TRPM3: variants seen among roughly 807,000 people sequenced by gnomAD.
TRPM3 encodes transient receptor potential cation channel subfamily M member 3.
Under a neutral mutation model 181.2 loss-of-function variants are expected in TRPM3, and 77 were observed. That is an observed-to-expected ratio of 0.42 (90% CI 0.35 to 0.51). The LOEUF (loss-of-function observed/expected upper bound fraction) is 0.51. Among genes scored for constraint, TRPM3 ranks in the 20% least tolerant of loss-of-function variants. The probability of loss-of-function intolerance (pLI) is 0.01; values close to 1 mark genes in which losing one functional copy is unlikely to be tolerated. For missense variants in TRPM3, 1,759 were observed against 2,196.7 expected, an observed-to-expected ratio of 0.80 and a Z score of 3.98; for synonymous variants, 745 against 796.4, an observed-to-expected ratio of 0.94 and a Z score of 1.09.
chr9:70,866,649 T>A (rs973683099), intron 1 of TRPM3, among the ~76,000 whole-genome samples: 1 of 152,004 alleles, frequency 6.6e-6, no homozygotes, highest in Non-Finnish European at 1.5e-5. Flanking sequence ...TCCCTTTGTG[T>A]TGGGGATGAT....
intron 1 of TRPM3, among the ~76,000 whole-genome samples, chr9:70,901,751 TG>T (rs1373857284): frequency 2.6e-5 from 4 of 152,226 alleles, no homozygotes; most frequent in Non-Finnish European, 4.4e-5. Flanking sequence ...TGCTACTCAA[TG>T]GCACAAAAGA....
At chr9:71,180,393 T>C (rs555171994) in intron 1 of TRPM3, among the ~76,000 whole-genome samples, 1 of 152,202 alleles carries the variant, frequency 6.6e-6, no homozygotes, top group South Asian at 2.1e-4. Context: ...TCATCCCCAA[T>C]GTATTTCAAA....
chr9:70,619,020 C>A lies in TRPM3; in HGVS notation c.2205G>T (p.Leu735=), dbSNP rs1239844254. 2.5e-6 allele frequency: 4 copies of A among 1,614,108 alleles called. No individual in the cohort carries two copies. The highest frequency in any genetic ancestry group is 3.4e-6 in the Non-Finnish European group (4 of 1,180,050). Residue 735 remains leucine, a synonymous_variant, in exon 17 of 26, where the codon CTG becomes CTT. Transcript: ENST00000677713. ...KQDEQLAMKL[L]TYELKNWSNA... ...TGCTCCAGTTCTTCAGCTCATACGT[C>A]AGCAGTTTCATGGCCAGCTGTTCGT...
intron 1 of TRPM3, among the ~76,000 whole-genome samples, chr9:71,341,143 T>C (rs187321380): frequency 8.5e-4 from 129 of 152,200 alleles, no homozygotes; most frequent in African/African-American, 3.0e-3. Flanking sequence ...TCAATTGATA[T>C]ATATAGGAAG....
Position 70,846,418 on chromosome 9 carries a change from C to A in TRPM3, c.636G>T (p.Met212Ile). 1 of 1,614,170 alleles carries A rather than the reference C, an allele frequency of 6.2e-7. No individual in the cohort carries two copies. The highest frequency in any genetic ancestry group is 8.5e-7 in the Non-Finnish European group (1 of 1,180,014). The part of the protein sequence containing the change: ...VFGKGLIKAA[M>I]TTGAWIFTGG... ...CAGTGAATATCCACGCTCCAGTTGTCATTGCTGCTTTGATGAGCCCTTTCC... is the reference window on the plus strand; with the variant it reads ...CAGTGAATATCCACGCTCCAGTTGTAATTGCTGCTTTGATGAGCCCTTTCC... Residue 212 changes from methionine (M) to isoleucine (I), a missense_variant, in exon 4 of 26, where the codon ATG (methionine) becomes ATT (isoleucine). Physicochemically the swap from Met to Ile is conservative, Grantham distance 10 (BLOSUM62 1). Transcript: ENST00000677713.
intron 1 of TRPM3, among the ~76,000 whole-genome samples, chr9:70,877,560 A>T (rs2095890191): frequency 6.6e-6 from 1 of 151,948 alleles, no homozygotes; most frequent in Non-Finnish European, 1.5e-5. Context: ...TTATTCTAAG[A>T]TTCCTGTTTG....
intron 25 of TRPM3, among the ~76,000 whole-genome samples, chr9:70,539,227 G>C (rs1416404175): frequency 1.3e-5 from 2 of 152,124 alleles, no homozygotes; most frequent in East Asian, 3.9e-4. Context: ...CTTCTATTAG[G>C]GAAGCACATA....
At chr9:70,838,265 T>C (rs1318439101) in intron 5 of TRPM3, among the ~76,000 whole-genome samples, 1 of 152,192 alleles carries the variant, frequency 6.6e-6, no homozygotes, top group Non-Finnish European at 1.5e-5. Context: ...ATGTCCCTTC[T>C]TCACCCAAAT....
chr9:70,762,915 G>A (rs936039509), intron 7 of TRPM3, among the ~76,000 whole-genome samples: 8 of 152,046 alleles, frequency 5.3e-5, no homozygotes, highest in African/African-American at 1.9e-4. Flanking sequence ...TCATCACTGT[G>A]GCTATTTGAG....
At chr9:71,259,011 A>C (rs1263489843) in intron 1 of TRPM3, among the ~76,000 whole-genome samples, 1 of 152,124 alleles carries the variant, frequency 6.6e-6, no homozygotes, top group Admixed American at 6.5e-5. Context: ...CGTCATCTAC[A>C]TTAGGTATTT....
chr9:70,604,251 A>G (rs1028968494), intron 19 of TRPM3, among the ~76,000 whole-genome samples: 1 of 152,092 alleles, frequency 6.6e-6, no homozygotes, highest in South Asian at 2.1e-4. Flanking sequence ...GGGTTTGGTG[A>G]CTGCTCCTGG....
At chr9:71,213,832 A>T (rs999036634) in intron 1 of TRPM3, among the ~76,000 whole-genome samples, 1 of 152,172 alleles carries the variant, frequency 6.6e-6, no homozygotes, top group African/African-American at 2.4e-5. Context: ...GACATCATCC[A>T]TTGACTTTTA....
chr9:71,282,047 G>A (rs1268905260), intron 1 of TRPM3, among the ~76,000 whole-genome samples: 1 of 132,220 alleles, frequency 7.6e-6, no homozygotes, highest in Non-Finnish European at 1.6e-5. Flanking sequence ...GGCAACAAGG[G>A]CAAAACAGAA....
intron 1 of TRPM3, among the ~76,000 whole-genome samples, chr9:70,895,799 T>A (rs2132927296): frequency 6.6e-6 from 1 of 152,184 alleles, no homozygotes; most frequent in African/African-American, 2.4e-5. Flanking sequence ...AGACTCACCC[T>A]CAAAACAACC....
At chr9:70,870,922 CTA>C (rs1801288014) in intron 1 of TRPM3, among the ~76,000 whole-genome samples, 1 of 151,878 alleles carries the variant, frequency 6.6e-6, no homozygotes, top group South Asian at 2.1e-4. Flanking sequence ...AGTCAGAAAA[CTA>C]TATTTTATAT....
Position 71,163,269 on chromosome 9 carries a change from G to A in TRPM3, c.183+283384C>T, listed in dbSNP as rs185007708. Among the ~76,000 whole-genome samples the A allele has an allele frequency of 4.8e-3, 728 of 152,208 alleles. 1 individual carries two copies. Among genetic ancestry groups the A allele is most frequent in the South Asian group, 0.012 (60 of 4,822 alleles). On this transcript the variant is annotated intron_variant, in intron 1 of 24. Coordinates refer to the TRPM3 transcript ENST00000357533. Reference sequence around the variant, plus strand: ...CAGGAGCAGATGTGGTGATTTGGACGAGAATAGATGTATATCTGCACTAGG... The same window carrying A: ...CAGGAGCAGATGTGGTGATTTGGACAAGAATAGATGTATATCTGCACTAGG...
At chr9:71,297,710 G>A (rs1250044201) in intron 1 of TRPM3, among the ~76,000 whole-genome samples, 1 of 152,160 alleles carries the variant, frequency 6.6e-6, no homozygotes, top group Non-Finnish European at 1.5e-5. Flanking sequence ...TGAGATATGG[G>A]TTGGGACACA....
In TRPM3 at chr9:70,640,550, T is replaced by C; in HGVS notation, c.1446+10A>G. The C allele has an allele frequency of 6.2e-7, 1 of 1,610,872 alleles. No individual in the cohort carries two copies. Among genetic ancestry groups the C allele is most frequent in the Non-Finnish European group, 8.5e-7 (1 of 1,178,172 alleles). On this transcript the variant is annotated intron_variant, in intron 10 of 25. Transcript: ENST00000677713. ...AGTGGGCTTTTCATGGGAGACGATA[T>C]ATACTCTACCGGCCACTGTTGCCCG... is the stretch of plus-strand genomic sequence containing the variant.
chr9:71,345,433 C>A (rs1333388745), intron 1 of TRPM3, among the ~76,000 whole-genome samples: 1 of 152,146 alleles, frequency 6.6e-6, no homozygotes, highest in Non-Finnish European at 1.5e-5. Flanking sequence ...AGTTCATGTC[C>A]TTTGCGGGGA....
Sources: gnomAD v4.1 joint callset for allele counts (sites outside exome capture counted in the v4.1 genomes callset) on GRCh38, gnomAD v4.1.1 for gene constraint, MANE v1.5 for transcripts, NCBI Gene and HGNC (gene_info 2026-07-23, HGNC 2026-07-21) for gene names.